The following CACNA1B variants were observed in gnomAD, a reference collection of about 807,000 sequenced individuals.
CACNA1B encodes the protein voltage-dependent N-type calcium channel subunit alpha-1B.
CACNA1B carries 70 observed loss-of-function variants against 247.2 expected under a neutral mutation model. The ratio of observed to expected loss-of-function variants is 0.28; its 90% CI spans 0.23 to 0.35. The LOEUF (loss-of-function observed/expected upper bound fraction) is 0.35. Among genes scored for constraint, CACNA1B ranks in the 10% least tolerant of loss-of-function variants. The pLI, the probability that CACNA1B is intolerant of heterozygous loss-of-function variation, is 1.00. For synonymous variants in CACNA1B, 1,231 were observed against 1,294.4 expected (o/e 0.95, Z 1.05); for missense variants, 2,367 against 3,197.4 (o/e 0.74, Z 6.26).
In CACNA1B at chr9:137,963,446, G is replaced by T. The variant is rs182919007; in HGVS notation, c.1333+5759G>T. ...GTCTCACTCTGTCGCCCAGGCTGGA[G>T]TGCAGTGGCGTGATCTCAGCTCACT... is the stretch of plus-strand genomic sequence containing the variant. On this transcript the variant is annotated intron_variant, in intron 10 of 46. Transcript: ENST00000371372. 5.3e-3 allele frequency among the ~76,000 whole-genome samples: 804 copies of T among 152,310 alleles called. 10 individuals are homozygous for T. The highest frequency in any genetic ancestry group is 0.019 in the African/African-American group (771 of 41,550).
At chr9:138,077,520 GT>G (rs1960370151) in intron 35 of CACNA1B, among the ~76,000 whole-genome samples, 1 of 152,202 alleles carries the variant, frequency 6.6e-6, no homozygotes, top group Admixed American at 6.5e-5. Flanking sequence ...TCATCGGAGG[GT>G]TTTGAGAGGA....
intron 39 of CACNA1B, among the ~76,000 whole-genome samples, chr9:138,107,842 G>T (rs184889386): frequency 6.6e-6 from 1 of 151,944 alleles, no homozygotes; most frequent in Admixed American, 6.6e-5. Flanking sequence ...AAAATTAGCC[G>T]GGCATGGTGG....
chr9:137,934,915 A>G (rs1320140950), intron 6 of CACNA1B, among the ~76,000 whole-genome samples: 1 of 152,162 alleles, frequency 6.6e-6, no homozygotes, highest in Non-Finnish European at 1.5e-5. Context: ...ATGACAAAAC[A>G]AGGTTCCTTA....
intron 37 of CACNA1B, among the ~76,000 whole-genome samples, chr9:138,099,538 C>T (rs545534545): frequency 1.4e-5 from 2 of 147,492 alleles, no homozygotes; most frequent in Admixed American, 6.7e-5. Context: ...CCTGTGTGTG[C>T]ATGTGCCTTT....
rs186857638 is a variant in CACNA1B, at chr9:138,070,758, C to T, written c.4674+995C>T. 1.7e-3 allele frequency among the ~76,000 whole-genome samples: 266 copies of T among 152,364 alleles called. 1 individual carries two copies. The highest frequency in any genetic ancestry group is 5.5e-3 in the African/African-American group (228 of 41,594). ...GCGTCACCTCCTCAGAGAGCCCTTC[C>T]CCACATTGTCTGTCCCCTGTCCTCT... On this transcript the variant is annotated intron_variant, in intron 32 of 46. Coordinates refer to ENST00000371372, the MANE Select transcript of CACNA1B (RefSeq NM_000718.4).
At chr9:138,060,366 A>G (rs988843524) in intron 31 of CACNA1B, among the ~76,000 whole-genome samples, 3 of 152,146 alleles carry the variant, frequency 2.0e-5, no homozygotes, top group Non-Finnish European at 4.4e-5. Context: ...CACTCATGTG[A>G]AATTTATTTC....
intron 6 of CACNA1B, among the ~76,000 whole-genome samples, chr9:137,939,523 G>T (rs1273152434): frequency 6.6e-6 from 1 of 152,064 alleles, no homozygotes; most frequent in African/African-American, 2.4e-5. Flanking sequence ...ACTGAGGCCG[G>T]ATGTGGTGGC....
chr9:138,087,840 A>G (rs1261117209), intron 36 of CACNA1B, among the ~76,000 whole-genome samples: 1 of 152,100 alleles, frequency 6.6e-6, no homozygotes, highest in Non-Finnish European at 1.5e-5. Context: ...GAAACATAGC[A>G]TGCCAAAACT....
At position 137,881,029 on chromosome 9, in the gene CACNA1B, G is replaced by A. The variant is rs1956910161; in HGVS notation, c.391-1715G>A. 6.6e-6 allele frequency among the ~76,000 whole-genome samples: 1 copy of A among 152,260 alleles called. No individual in the cohort carries two copies. Among genetic ancestry groups the A allele is most frequent in the South Asian group, 2.1e-4 (1 of 4,834 alleles). On this transcript the variant is annotated intron_variant, in intron 2 of 46. Coordinates refer to ENST00000371372, the MANE Select transcript of CACNA1B (RefSeq NM_000718.4). This position sits in a 1 kb window ranked among gnomAD's most constrained non-coding sequence, Gnocchi z 4.3. ...TGGGCTGGGCAGGGCAGAGCTGTGA[G>A]GAGAGGGCTCGGGCTGGGGGCTCCT...
At chr9:138,115,486 G>A (rs1961820184) in intron 41 of CACNA1B, 66 bp from the exon 42 acceptor site, 17 of 1,549,062 alleles carry the variant, frequency 1.1e-5, no homozygotes, top group Admixed American at 3.6e-5. Flanking sequence ...CATGGTCAGA[G>A]CAGGTCACAG....
rs571447142 is a variant in CACNA1B, at chr9:137,916,030, A to ATTT, written c.776-1193_776-1191dup. 7.1e-4 allele frequency among the ~76,000 whole-genome samples: 92 copies of ATTT among 129,554 alleles called. 2 individuals are homozygous for ATTT. The highest frequency in any genetic ancestry group is 1.5e-3 in the African/African-American group (53 of 34,614). The allele number at this position is 129,554 out of a possible 152,430, so 85.0% of individuals were successfully genotyped here. On this transcript the variant is annotated intron_variant, in intron 5 of 46. Coordinates refer to ENST00000371372, the MANE Select transcript of CACNA1B (RefSeq NM_000718.4). ...AGATATTTTCATGTGTTGTTATACA[A>ATTT]TTTTTTTTTTTTTTTTTTTTGAGAC...
chr9:137,904,638 G>A (rs1181327362), intron 3 of CACNA1B, among the ~76,000 whole-genome samples: 2 of 151,818 alleles, frequency 1.3e-5, no homozygotes, highest in African/African-American at 2.4e-5. Context: ...AAAGGGCTAC[G>A]ATTACAGGTG....
intron 37 of CACNA1B, among the ~76,000 whole-genome samples, chr9:138,096,936 G>A (rs1256203865): frequency 1.3e-5 from 2 of 151,430 alleles, no homozygotes; most frequent in East Asian, 3.9e-4. Context: ...GTCTTCTGCT[G>A]AAATTTACTG....
At position 137,935,864 on chromosome 9, in the gene CACNA1B, G is replaced by A. The variant is rs569889011; in HGVS notation, c.967-16410G>A. ...ATCTCGGCTCACTGCCGCCCAGGCC[G>A]GAGTGCAGTGGCACGATCTTGGCTC... On this transcript the variant is annotated intron_variant, in intron 6 of 46. Transcript: ENST00000371372. 9.2e-5 allele frequency among the ~76,000 whole-genome samples: 14 copies of A among 151,470 alleles called. No individual in the cohort carries two copies. The South Asian group carries it at 1.3e-3, about 14-fold the overall frequency.
At position 138,054,027 on chromosome 9, in the gene CACNA1B, A is replaced by T. The variant is rs1959399553; in HGVS notation, c.3968+21A>T. On this transcript the variant is annotated intron_variant, in intron 26 of 46. Transcript: ENST00000371372. This position sits in a 1 kb window ranked among gnomAD's most constrained non-coding sequence, Gnocchi z 4.6. Reference sequence around the variant, plus strand: ...TGCAGGTAAACTGAGGCAGGGTGCAAGGTGGGACACACAGCCCCATGATGC... The same window carrying T: ...TGCAGGTAAACTGAGGCAGGGTGCATGGTGGGACACACAGCCCCATGATGC... 1.2e-6 allele frequency: 2 copies of T among 1,611,240 alleles called. No homozygotes were observed. Among genetic ancestry groups the T allele is most frequent in the African/African-American group, 1.3e-5 (1 of 74,898 alleles).
chr9:137,901,311 C>T (rs535961895), intron 3 of CACNA1B, among the ~76,000 whole-genome samples: 15 of 148,454 alleles, frequency 1.0e-4, no homozygotes, highest in South Asian at 2.2e-4. Flanking sequence ...GTGTCCCATC[C>T]CTATGTCTGT....
chr9:138,102,791 C>T lies in CACNA1B; in HGVS notation c.5303C>T (p.Ala1768Val), dbSNP rs1256511429. 1 of 1,610,770 alleles carries T rather than the reference C, an allele frequency of 6.2e-7. No homozygotes were observed. The highest frequency in any genetic ancestry group is 8.5e-7 in the Non-Finnish European group (1 of 1,177,370). ...PPLGLGKKCP[A>V]RVAYKRLVRM... ...CTGGGGCTGGGGAAGAAATGCCCTG[C>T]TCGAGTTGCTTACAAGGTAGACCCT... Residue 1768 changes from alanine (A) to valine (V), a missense_variant, in exon 38 of 47, where the codon GCT becomes GTT. This residue lies in a region of CACNA1B where 55 missense variants were observed against 107.8 expected (regional missense o/e 0.51). Transcript: ENST00000371372. The surrounding 1 kb of genome is among the most constrained non-coding windows in gnomAD (Gnocchi z 5.4).
chr9:137,962,835 C>A (rs922461639), intron 10 of CACNA1B, among the ~76,000 whole-genome samples: 2 of 151,986 alleles, frequency 1.3e-5, no homozygotes, highest in African/African-American at 2.4e-5. Context: ...TGTTGTGTGG[C>A]GATGAGAAGA....
chr9:138,120,293 C>T lies in CACNA1B; in HGVS notation c.6159C>T (p.His2053=). Residue 2053 remains histidine (H), a synonymous_variant, in exon 45 of 47, where the codon CAC becomes CAT. Coordinates refer to ENST00000371372, the MANE Select transcript of CACNA1B (RefSeq NM_000718.4). The part of the protein sequence containing the change: ...PPSQASSHHH[H]HRCHRRRDRK... ...GCCAGGCGTCGTCGCACCACCACCA[C>T]CACCGCTGCCACCGCCGCAGGGACA... 4 of 1,562,748 alleles carry T rather than the reference C, an allele frequency of 2.6e-6. No homozygotes were observed. The highest frequency in any genetic ancestry group is 2.6e-6 in the Non-Finnish European group (3 of 1,156,304).
Sources: gnomAD v4.1 joint callset for allele counts (sites outside exome capture counted in the v4.1 genomes callset) on GRCh38, gnomAD v4.1.1 for gene constraint, gnomAD v4.1.1 regional missense constraint, Gnocchi (gnomAD v3.1) non-coding constraint, MANE v1.5 for transcripts, NCBI Gene and HGNC (gene_info 2026-07-23, HGNC 2026-07-21) for gene names.